The following RNF6 variants were observed in gnomAD, a reference collection of about 807,000 sequenced individuals.
RNF6 encodes E3 ubiquitin-protein ligase RNF6.
Under a neutral mutation model 50.1 loss-of-function variants are expected in RNF6, and 21 were observed. The ratio of observed to expected loss-of-function variants is 0.42; its 90% CI spans 0.30 to 0.60. The LOEUF is 0.60. Ranked by LOEUF, RNF6 falls within the 20% of genes least tolerant of loss-of-function variation. The pLI, the probability that RNF6 is intolerant of heterozygous loss-of-function variation, is 0.20. For missense variants in RNF6, 698 were observed against 838.2 expected, an observed-to-expected ratio of 0.83 and a Z score of 2.07; for synonymous variants, 255 against 291.8, an observed-to-expected ratio of 0.87 and a Z score of 1.29.
Position 26,213,601 on chromosome 13 carries a change from T to C in RNF6, c.*223A>G, listed in dbSNP as rs1869478665. The C allele has an allele frequency of 2.6e-6, 1 of 385,216 alleles. No homozygotes were observed. Among genetic ancestry groups the C allele is most frequent in the Middle Eastern group, 7.2e-4 (1 of 1,388 alleles). The allele number at this position is 385,216 out of a possible 1,614,324, so 23.9% of individuals were successfully genotyped here. ...AAACATTTTAGAGGTTATTTGGTTC[T>C]AGCAATATTAACTATTCTGTATTTC... On this transcript the variant is annotated 3_prime_UTR_variant, in exon 5 of 5. Coordinates refer to ENST00000381588, the MANE Select transcript of RNF6 (RefSeq NM_005977.4).
chr13:26,147,412 T>C (rs1871307109), intron 5 of RNF6, among the ~76,000 whole-genome samples: 1 of 152,196 alleles, frequency 6.6e-6, no homozygotes, highest in Non-Finnish European at 1.5e-5. Context: ...GTTAGGTTAA[T>C]ATTTTCAGAT....
At chr13:26,142,378 A>G (rs1011580317) in intron 5 of RNF6, 1 of 151,948 alleles carries the variant, frequency 6.6e-6, no homozygotes, top group Non-Finnish European at 1.5e-5. Context: ...TTCCATTACT[A>G]CCCCCAAAAA....
chr13:26,214,083 T>C lies in RNF6; in HGVS notation c.1799A>G (p.Asp600Gly), dbSNP rs757831580. 6.2e-7 allele frequency: 1 copy of C among 1,614,206 alleles called. No individual in the cohort carries two copies. The highest frequency in any genetic ancestry group is 1.1e-5 in the South Asian group (1 of 91,086). Reference protein sequence around the residue: ...HFFLLNESDDDDRIRGLTKEQ... With the variant: ...HFFLLNESDDGDRIRGLTKEQ... ...TTTGGTTAAACCACGTATTCGATCA[T>C]CATCATCACTTTCATTTAGTAAAAA... Residue 600 changes from aspartate (D) to glycine (G), a missense_variant, in exon 5 of 5, where the codon GAT becomes GGT. Coordinates refer to ENST00000381588, the MANE Select transcript of RNF6 (RefSeq NM_005977.4).
At chr13:26,204,606 A>G (rs1375087114) in intron 5 of RNF6, among the ~76,000 whole-genome samples, 2 of 152,152 alleles carry the variant, frequency 1.3e-5, no homozygotes, top group African/African-American at 4.8e-5. Context: ...AGAAATTTTA[A>G]GTGCAGGTCC....
At chr13:26,204,453 C>G (rs1245081289) in intron 5 of RNF6, among the ~76,000 whole-genome samples, 4 of 139,252 alleles carry the variant, frequency 2.9e-5, no homozygotes, top group African/African-American at 5.5e-5. Flanking sequence ...GCCGAGATTG[C>G]ACCACTGCAC....
At chr13:26,178,400 G>A (rs1258013390) in intron 5 of RNF6, among the ~76,000 whole-genome samples, 1 of 150,646 alleles carries the variant, frequency 6.6e-6, no homozygotes, top group Non-Finnish European at 1.5e-5. Flanking sequence ...TTTTATGAGG[G>A]CATTAGTCCC....
chr13:26,154,789 G>A (rs911374885), intron 5 of RNF6, among the ~76,000 whole-genome samples: 3 of 152,130 alleles, frequency 2.0e-5, no homozygotes, highest in Non-Finnish European at 2.9e-5. Flanking sequence ...TAGCACTTTG[G>A]GAGGCTGAAG....
intron 5 of RNF6, among the ~76,000 whole-genome samples, chr13:26,134,787 T>A (rs1239710515): frequency 1.3e-5 from 2 of 152,134 alleles, no homozygotes; most frequent in Non-Finnish European, 2.9e-5. Context: ...CTTTAAAAAA[T>A]CCGGAAGTTA....
At chr13:26,145,283 G>A (rs796730779) in intron 5 of RNF6, among the ~76,000 whole-genome samples, 1 of 152,224 alleles carries the variant, frequency 6.6e-6, no homozygotes, top group East Asian at 1.9e-4. Flanking sequence ...AGATCTATTT[G>A]TCTTACGCTC....
At chr13:26,200,304 G>A (rs1868844849) in intron 5 of RNF6, among the ~76,000 whole-genome samples, 2 of 151,998 alleles carry the variant, frequency 1.3e-5, no homozygotes, top group South Asian at 4.1e-4. Context: ...TAGGGAGAAT[G>A]TAGAACAATT....
At chr13:26,169,388 G>A (rs1014741944) in intron 5 of RNF6, among the ~76,000 whole-genome samples, 6 of 152,150 alleles carry the variant, frequency 3.9e-5, no homozygotes, top group Admixed American at 3.9e-4. Context: ...TGTCTTGGCT[G>A]AAGAACATTA....
At chr13:26,132,643 TTG>T (rs1870450233) in intron 5 of RNF6, among the ~76,000 whole-genome samples, 1 of 152,202 alleles carries the variant, frequency 6.6e-6, no homozygotes, top group Non-Finnish European at 1.5e-5. Context: ...TCCCAGCATT[TTG>T]CAAATAACTT....
In RNF6 at chr13:26,169,043, G is replaced by A. The variant is rs150569960; in HGVS notation, n.769-36592C>T. Among the ~76,000 whole-genome samples, 116 of 152,222 alleles carry A rather than the reference G, an allele frequency of 7.6e-4. 1 individual carries two copies. The highest frequency in any genetic ancestry group is 2.6e-3 in the African/African-American group (108 of 41,542). ...ACCAAAAAAGCTCCCAGAAAGACACGTTCACAGATGTCAGCTGTGTTGGGT... is the reference window on the plus strand; with the variant it reads ...ACCAAAAAAGCTCCCAGAAAGACACATTCACAGATGTCAGCTGTGTTGGGT... On this transcript the variant is annotated intron_variant and non_coding_transcript_variant, in intron 5 of 5. Coordinates refer to the RNF6 transcript ENST00000468480.
intron 5 of RNF6, among the ~76,000 whole-genome samples, chr13:26,184,008 ATATATATATATTTTTTTT>A (rs1301306829): frequency 3.3e-4 from 4 of 12,192 alleles, no homozygotes; most frequent in Non-Finnish European, 6.8e-4. Flanking sequence ...ATATATATAT[ATATATATATATTTTTTTT>A]TTTTTTTTTT....
At chr13:26,153,464 G>A (rs1024995586) in intron 5 of RNF6, among the ~76,000 whole-genome samples, 25 of 151,982 alleles carry the variant, frequency 1.6e-4, no homozygotes, top group African/African-American at 5.6e-4. Context: ...CACCCACCTC[G>A]GCCTCCCAAA....
chr13:26,134,772 T>C (rs1481410214), intron 5 of RNF6, among the ~76,000 whole-genome samples: 1 of 152,158 alleles, frequency 6.6e-6, no homozygotes, highest in African/African-American at 2.4e-5. Context: ...AACTCTGTAA[T>C]TGCACTTTAA....
chr13:26,148,632 T>TTATATA (rs57373126), intron 5 of RNF6, among the ~76,000 whole-genome samples: 5,466 of 46,448 alleles, frequency 0.12, 607 homozygotes, highest in Middle Eastern at 0.17. Context: ...ATAAATCTCT[T>TTATATA]TATATATATA....
At chr13:26,203,496 C>T (rs992322933) in intron 5 of RNF6, among the ~76,000 whole-genome samples, 1 of 152,236 alleles carries the variant, frequency 6.6e-6, no homozygotes, top group Non-Finnish European at 1.5e-5. Context: ...GTGAGAAGCA[C>T]GACTGACTGA....
At chr13:26,217,523 C>T (rs1186438305) in intron 4 of RNF6, among the ~76,000 whole-genome samples, 8 of 152,216 alleles carry the variant, frequency 5.3e-5, no homozygotes, top group South Asian at 2.1e-4. Context: ...CCTACTCTCA[C>T]GCTAGTGCGT....
Sources: allele counts gnomAD v4.1 joint callset (sites outside exome capture counted in the v4.1 genomes callset), GRCh38; gene constraint gnomAD v4.1.1; transcripts MANE v1.5; gene names NCBI Gene and HGNC (gene_info 2026-07-23, HGNC 2026-07-21).